The following TIAM1 variants were observed in gnomAD, a reference collection of about 807,000 sequenced individuals.
TIAM1 encodes the protein TIAM Rac1 associated GEF 1, also known as rho guanine nucleotide exchange factor TIAM1.
A neutral mutation model predicts 163.5 loss-of-function variants in TIAM1; 65 were observed. The observed-to-expected ratio is 0.40, with a 90% CI of 0.33 to 0.49. The LOEUF is 0.49. Among genes scored for constraint, TIAM1 ranks in the 20% least tolerant of loss-of-function variants. The pLI is 0.77. For missense variants in TIAM1, 1,789 were observed against 2,044.7 expected, an observed-to-expected ratio of 0.87 and a Z score of 2.41; for synonymous variants, 833 against 810.1, an observed-to-expected ratio of 1.03 and a Z score of -0.48.
chr21:31,255,524 G>A (rs1324451396), intron 4 of TIAM1, among the ~76,000 whole-genome samples: 1 of 152,088 alleles, frequency 6.6e-6, no homozygotes, highest in Non-Finnish European at 1.5e-5. Flanking sequence ...CTACCCACCT[G>A]AGAATCCTGA....
At chr21:31,197,434 G>A (rs914744422) in intron 12 of TIAM1, among the ~76,000 whole-genome samples, 2 of 149,916 alleles carry the variant, frequency 1.3e-5, no homozygotes, top group African/African-American at 4.9e-5. Context: ...GGAGTGCAGC[G>A]GTGTGATCTC....
At chr21:31,553,782 C>T (rs1002248965) in intron 1 of TIAM1, among the ~76,000 whole-genome samples, 2 of 152,040 alleles carry the variant, frequency 1.3e-5, no homozygotes, top group African/African-American at 2.4e-5. Flanking sequence ...AACAAGCAGA[C>T]GTCACTATTG....
chr21:31,475,545 A>C (rs917090100), intron 1 of TIAM1, among the ~76,000 whole-genome samples: 2 of 152,244 alleles, frequency 1.3e-5, no homozygotes, highest in African/African-American at 4.8e-5. Flanking sequence ...CAATCAAAGC[A>C]AACGCTACAT....
At chr21:31,295,857 G>A (rs1166613997) in intron 2 of TIAM1, among the ~76,000 whole-genome samples, 1 of 152,154 alleles carries the variant, frequency 6.6e-6, no homozygotes, top group East Asian at 1.9e-4. Flanking sequence ...GAGTGCAGTG[G>A]AGCGATGTTG....
chr21:31,515,420 C>A (rs746084995), intron 1 of TIAM1, among the ~76,000 whole-genome samples: 1 of 152,170 alleles, frequency 6.6e-6, no homozygotes, highest in Non-Finnish European at 1.5e-5. Context: ...TGTGCTTTCA[C>A]AAGCCCTCCG....
intron 1 of TIAM1, among the ~76,000 whole-genome samples, chr21:31,341,166 CA>C (rs1160793513): frequency 1.3e-5 from 2 of 151,966 alleles, no homozygotes; most frequent in Non-Finnish European, 2.9e-5. Context: ...TACTTTGTGC[CA>C]AACAAAGGAT....
Position 31,381,612 on chromosome 21 carries a change from G to C in TIAM1, c.-368-42190C>G, listed in dbSNP as rs187097838. On this transcript the variant is annotated intron_variant, in intron 2 of 28. Coordinates refer to the TIAM1 transcript ENST00000286827. The stretch of plus-strand genomic sequence containing the variant: ...GAACATGGGAGGCGGAGGTTGCAGT[G>C]AGCTGAGATCACGCCACTGCACTCC... Among the ~76,000 whole-genome samples, 6 of 152,292 alleles carry C rather than the reference G, an allele frequency of 3.9e-5. No individual in the cohort carries two copies. The East Asian group carries it at 1.2e-3, about 29-fold the overall frequency.
intron 1 of TIAM1, among the ~76,000 whole-genome samples, chr21:31,555,932 G>A (rs1041554997): frequency 6.6e-6 from 1 of 152,032 alleles, no homozygotes; most frequent in Non-Finnish European, 1.5e-5. Context: ...GCCCAACGCT[G>A]CTTTTCCTTT....
intron 2 of TIAM1, among the ~76,000 whole-genome samples, chr21:31,399,928 T>C (rs575757065): frequency 6.6e-6 from 1 of 152,234 alleles, no homozygotes; most frequent in East Asian, 1.9e-4. Context: ...GTTGACACTT[T>C]CATTGATTTC....
chr21:31,124,445 AAGG>A (rs748772834), intron 27 of TIAM1, 74 bp downstream of exon 27: 1 of 1,580,090 alleles, frequency 6.3e-7, no homozygotes, highest in East Asian at 2.3e-5. Context: ...CCCACTCAAC[AAGG>A]AGGTCAAGCT....
intron 22 of TIAM1, among the ~76,000 whole-genome samples, chr21:31,140,838 G>A (rs894595674): frequency 3.9e-5 from 6 of 152,174 alleles, no homozygotes; most frequent in African/African-American, 1.4e-4. Flanking sequence ...TTGTGGTAAT[G>A]GAAGTTCACT....
chr21:31,124,377 C>G, intron 27 of TIAM1, 145 bp downstream of exon 27: 1 of 1,211,960 alleles, frequency 8.3e-7, no homozygotes, highest in Non-Finnish European at 1.1e-6. Context: ...GGGCAAGGAA[C>G]CTCACACCAG....
At chr21:31,228,250 A>AGGAG (rs2088170561) in intron 6 of TIAM1, among the ~76,000 whole-genome samples, 4 of 133,066 alleles carry the variant, frequency 3.0e-5, no homozygotes, top group Non-Finnish European at 6.1e-5. Flanking sequence ...AAAAAAAAAA[A>AGGAG]AAAAAAAAAG....
chr21:31,130,800 A>G, intron 24 of TIAM1, 90 bp downstream of exon 24: 1 of 1,262,124 alleles, frequency 7.9e-7, no homozygotes, highest in Admixed American at 1.8e-5. Flanking sequence ...AAAAAGGCTC[A>G]TACTGACAAA....
chr21:31,425,501 C>A (rs963692784), intron 2 of TIAM1, among the ~76,000 whole-genome samples: 3 of 151,704 alleles, frequency 2.0e-5, no homozygotes, highest in African/African-American at 7.3e-5. Flanking sequence ...AACTAGGGAT[C>A]TTGAGATTCT....
intron 2 of TIAM1, among the ~76,000 whole-genome samples, chr21:31,374,148 A>T (rs1423962051): frequency 3.3e-5 from 5 of 151,956 alleles, no homozygotes; most frequent in Admixed American, 2.0e-4. Context: ...TCCAGACCCA[A>T]CTCGCTCAGT....
chr21:31,473,289 G>C (rs1468131384), intron 1 of TIAM1, among the ~76,000 whole-genome samples: 7 of 151,922 alleles, frequency 4.6e-5, no homozygotes, highest in African/African-American at 1.7e-4. Flanking sequence ...AATTAGCTGG[G>C]CGTGGTGGCG....
intron 2 of TIAM1, among the ~76,000 whole-genome samples, chr21:31,394,149 A>C (rs2077012373): frequency 6.6e-6 from 1 of 152,250 alleles, no homozygotes; most frequent in Non-Finnish European, 1.5e-5. Context: ...GGTATATCAC[A>C]CAAAGGAATA....
chr21:31,255,775 A>C (rs1285798391), intron 4 of TIAM1, among the ~76,000 whole-genome samples: 1 of 152,242 alleles, frequency 6.6e-6, no homozygotes, highest in Non-Finnish European at 1.5e-5. Context: ...TTCATGATCT[A>C]GCTGAGACTT....
Sources: allele counts gnomAD v4.1 joint callset (sites outside exome capture counted in the v4.1 genomes callset), GRCh38; gene constraint gnomAD v4.1.1; transcripts MANE v1.5; gene names NCBI Gene and HGNC (gene_info 2026-07-23, HGNC 2026-07-21).